Variants in NALCN observed in about 807,000 individuals in gnomAD.
The protein encoded by NALCN is sodium leak channel, non-selective.
A neutral mutation model predicts 225.3 loss-of-function variants in NALCN; 111 were observed. The ratio of observed to expected loss-of-function variants is 0.49; its 90% CI spans 0.42 to 0.58. The LOEUF (loss-of-function observed/expected upper bound fraction) is 0.58, where lower values mean the gene tolerates loss of function less well. Among genes scored for constraint, NALCN ranks in the 20% least tolerant of loss-of-function variants. The probability of loss-of-function intolerance (pLI) is 0.00; values close to 1 mark genes in which losing one functional copy is unlikely to be tolerated. For synonymous variants in NALCN, 764 were observed against 769.0 expected, an observed-to-expected ratio of 0.99 and a Z score of 0.11; for missense variants, 1,378 against 2,202.4, an observed-to-expected ratio of 0.63 and a Z score of 7.49.
chr13:101,174,860 T>C (rs1216583921), intron 15 of NALCN, among the ~76,000 whole-genome samples: 1 of 152,252 alleles, frequency 6.6e-6, no homozygotes, highest in African/African-American at 2.4e-5. Context: ...AGTACATATC[T>C]GTGCATAATA....
In NALCN at chr13:101,399,031, C is replaced by A. The variant is rs1442221786; in HGVS notation, c.96G>T (p.Trp32Cys). The A allele has an allele frequency of 6.3e-7, 1 of 1,589,336 alleles. No homozygotes were observed. Among genetic ancestry groups the A allele is most frequent in the Non-Finnish European group, 8.6e-7 (1 of 1,157,690 alleles). Residue 32 changes from tryptophan to cysteine, a missense_variant, in exon 2 of 44, where the codon TGG becomes TGT. Trp to Cys is a radical substitution (Grantham distance 215). Coordinates refer to ENST00000251127, the MANE Select transcript of NALCN (RefSeq NM_052867.4). ...ESLSDNADILWINKPWVHSLL... is the reference protein window; with the variant it reads ...ESLSDNADILCINKPWVHSLL... ...AGAAGAAACTTACTGGTTTGTTAAT[C>A]CAGAGGATGTCAGCATTATCCGACA... is the stretch of plus-strand genomic sequence containing the variant.
intron 3 of NALCN, among the ~76,000 whole-genome samples, chr13:101,389,770 T>C (rs2047092107): frequency 6.6e-6 from 1 of 152,068 alleles, no homozygotes; most frequent in African/African-American, 2.4e-5. Flanking sequence ...GTAAAAACAT[T>C]ACAGAATAAG....
chr13:101,086,812 T>C (rs2033955064), intron 30 of NALCN, among the ~76,000 whole-genome samples: 2 of 152,146 alleles, frequency 1.3e-5, no homozygotes, highest in African/African-American at 4.8e-5. Context: ...TTTCTGGTGA[T>C]TATTTTGTCA....
At chr13:101,411,255 C>T (rs989425634) in intron 1 of NALCN, among the ~76,000 whole-genome samples, 6 of 151,516 alleles carry the variant, frequency 4.0e-5, no homozygotes, top group Non-Finnish European at 8.8e-5. Context: ...TGCTGACTCC[C>T]AATACCATTT....
At chr13:101,300,509 G>A (rs1475155394) in intron 7 of NALCN, among the ~76,000 whole-genome samples, 3 of 151,382 alleles carry the variant, frequency 2.0e-5, no homozygotes, top group Non-Finnish European at 4.4e-5. Context: ...GGAGTGCAGT[G>A]GTACAGTCTT....
intron 3 of NALCN, among the ~76,000 whole-genome samples, chr13:101,388,843 C>A (rs2047063522): frequency 6.6e-6 from 1 of 152,214 alleles, no homozygotes; most frequent in African/African-American, 2.4e-5. Context: ...TCATAAAATG[C>A]TTCACCCAGA....
In NALCN at chr13:101,401,461, C is replaced by A. The variant is rs577820628; in HGVS notation, c.-39-2296G>T. Among the ~76,000 whole-genome samples the A allele has an allele frequency of 7.2e-5, 11 of 152,266 alleles. No homozygotes were observed. The South Asian group carries it at 2.3e-3, about 32-fold the overall frequency. On this transcript the variant is annotated intron_variant, in intron 1 of 43. Coordinates refer to ENST00000251127, the MANE Select transcript of NALCN (RefSeq NM_052867.4). ...AGGAGCAAGTAAAAGAGTGGTTTCA[C>A]TTCAAAGATTATATAAGGAATTTTA...
At chr13:101,114,006 C>T (rs182610160) in intron 18 of NALCN, among the ~76,000 whole-genome samples, 25 of 152,144 alleles carry the variant, frequency 1.6e-4, no homozygotes, top group East Asian at 7.8e-4. Flanking sequence ...GCGGCAGGTG[C>T]GTGGGGACTG....
chr13:101,345,993 T>C (rs1234002361), intron 6 of NALCN, among the ~76,000 whole-genome samples: 1 of 145,512 alleles, frequency 6.9e-6, no homozygotes, highest in African/African-American at 2.5e-5. Context: ...CTGTCTAAAA[T>C]CATATCTTTC....
At chr13:101,096,901 GT>G (rs1232172159) in intron 27 of NALCN, among the ~76,000 whole-genome samples, 1 of 151,634 alleles carries the variant, frequency 6.6e-6, no homozygotes, top group East Asian at 1.9e-4. Context: ...CTTGATCACT[GT>G]TTGAATATTT....
intron 41 of NALCN, among the ~76,000 whole-genome samples, chr13:101,061,632 C>A (rs893112209): frequency 9.2e-5 from 14 of 152,134 alleles, no homozygotes; most frequent in African/African-American, 3.4e-4. Context: ...TGAGCTCCCC[C>A]CTTGACCTCT....
intron 31 of NALCN, 118 bp downstream of exon 31, chr13:101,083,593 T>G: frequency 1.1e-6 from 1 of 938,350 alleles, no homozygotes; most frequent in Non-Finnish European, 1.6e-6. Flanking sequence ...GTTTCTGTAT[T>G]ACCTTATGCA....
In NALCN at chr13:101,100,908, T is replaced by C. The variant is rs2034774074; in HGVS notation, c.3058-20A>G. On this transcript the variant is annotated intron_variant, in intron 26 of 43. Transcript: ENST00000251127. ...GGAGACCTGAAAGAAATTGATGAAA[T>C]GTTAAATCTCTTGTTAAAGACTAAA... 3 of 1,588,006 alleles carry C rather than the reference T, an allele frequency of 1.9e-6. No individual in the cohort carries two copies. The highest frequency in any genetic ancestry group is 2.3e-5 in the South Asian group (2 of 87,810).
intron 7 of NALCN, among the ~76,000 whole-genome samples, chr13:101,318,142 GT>G (rs1372442358): frequency 6.6e-6 from 1 of 152,118 alleles, no homozygotes; most frequent in Non-Finnish European, 1.5e-5. Flanking sequence ...CCAGTGGCAC[GT>G]TTGCCCAAGT....
At chr13:101,309,152 C>T (rs1340207489) in intron 7 of NALCN, among the ~76,000 whole-genome samples, 1 of 152,074 alleles carries the variant, frequency 6.6e-6, no homozygotes, top group Non-Finnish European at 1.5e-5. Flanking sequence ...CATTTCAAGG[C>T]TTTAAAAATC....
chr13:101,230,729 T>A (rs1256636325), intron 12 of NALCN, among the ~76,000 whole-genome samples: 2 of 152,228 alleles, frequency 1.3e-5, no homozygotes, highest in Non-Finnish European at 2.9e-5. Context: ...TTTCCCTGCA[T>A]ACTTACCAAC....
intron 7 of NALCN, among the ~76,000 whole-genome samples, chr13:101,322,712 TTTTA>T (rs1213194590): frequency 3.3e-5 from 5 of 152,104 alleles, no homozygotes; most frequent in African/African-American, 9.7e-5. Flanking sequence ...AGCGTGGTTT[TTTTA>T]TTTTTTATTT....
chr13:101,415,556 A>T (rs999723902), intron 1 of NALCN, among the ~76,000 whole-genome samples: 16 of 152,258 alleles, frequency 1.1e-4, no homozygotes, highest in African/African-American at 3.8e-4. Context: ...AGTCAGCAAA[A>T]TGACTGCGAT....
At chr13:101,354,082 G>A (rs996911000) in intron 6 of NALCN, among the ~76,000 whole-genome samples, 4 of 152,100 alleles carry the variant, frequency 2.6e-5, no homozygotes, top group Admixed American at 1.3e-4. Flanking sequence ...AGTGGCTCAC[G>A]CCTGCAATCC....
Sources: gnomAD v4.1 joint callset for allele counts (sites outside exome capture counted in the v4.1 genomes callset) on GRCh38, gnomAD v4.1.1 for gene constraint, MANE v1.5 for transcripts, NCBI Gene and HGNC (gene_info 2026-07-23, HGNC 2026-07-21) for gene names.